The following SV2C variants were observed in gnomAD, a reference collection of about 807,000 sequenced individuals.
SV2C encodes synaptic vesicle glycoprotein 2C, also known as solute carrier family 22 member B3.
Under a neutral mutation model 79.7 loss-of-function variants are expected in SV2C, and 49 were observed. The ratio of observed to expected loss-of-function variants is 0.61; its 90% confidence interval spans 0.49 to 0.78. The LOEUF (loss-of-function observed/expected upper bound fraction) is 0.78, where lower values mean the gene tolerates loss of function less well. SV2C is among the 30% of genes least tolerant of loss of function. The probability of loss-of-function intolerance (pLI) is 0.00; values close to 1 mark genes in which losing one functional copy is unlikely to be tolerated. For synonymous variants in SV2C, 334 were observed against 333.2 expected, an observed-to-expected ratio of 1.00 and a Z score of -0.03; for missense variants, 833 against 912.9, an observed-to-expected ratio of 0.91 and a Z score of 1.13.
At chr5:76,075,428 C>T in the SV2C span, 1 of 153,348 alleles carries the variant, frequency 6.5e-6, no homozygotes, top group Admixed American at 6.5e-5. Context: ...TGAGCCCATT[C>T]CCTAAAGCCC....
chr5:76,162,423 A>G (rs1335233314), intron 2 of SV2C, among the ~76,000 whole-genome samples: 2 of 152,190 alleles, frequency 1.3e-5, no homozygotes, highest in African/African-American at 4.8e-5. Context: ...GCATGAGCAT[A>G]TAGAAGACAG....
At chr5:76,241,274 G>A (rs1228946466) in intron 4 of SV2C, among the ~76,000 whole-genome samples, 2 of 151,320 alleles carry the variant, frequency 1.3e-5, no homozygotes, top group Non-Finnish European at 2.9e-5. Context: ...CAGGACATGG[G>A]CAGACAATCG....
chr5:75,867,546 G>T, the SV2C span, among the ~76,000 whole-genome samples: 1 of 152,126 alleles, frequency 6.6e-6, no homozygotes, highest in Non-Finnish European at 1.5e-5. Flanking sequence ...TGATTAAATG[G>T]TCTGCCATTA....
the SV2C span, among the ~76,000 whole-genome samples, chr5:75,898,079 G>T: frequency 6.6e-6 from 1 of 152,068 alleles, no homozygotes; most frequent in African/African-American, 2.4e-5. Flanking sequence ...CTGCCTAATT[G>T]CCCTGGCCAG....
the SV2C span, among the ~76,000 whole-genome samples, chr5:75,899,871 C>A: frequency 4.8e-4 from 73 of 151,792 alleles, no homozygotes; most frequent in East Asian, 1.2e-3. Context: ...CTGTTTTATC[C>A]GAGACTAGGA....
the SV2C span, among the ~76,000 whole-genome samples, chr5:76,005,991 G>GA: frequency 1.3e-5 from 2 of 152,102 alleles, no homozygotes; most frequent in Non-Finnish European, 2.9e-5. Context: ...ATACTATTGT[G>GA]AAAAAACTTC....
chr5:76,299,739 T>G (rs1311827734), intron 10 of SV2C, among the ~76,000 whole-genome samples: 2 of 152,192 alleles, frequency 1.3e-5, no homozygotes, highest in African/African-American at 4.8e-5. Context: ...TGTTTTTTGT[T>G]TTTTGAGCAA....
chr5:75,999,108 A>G, the SV2C span, among the ~76,000 whole-genome samples: 1 of 152,068 alleles, frequency 6.6e-6, no homozygotes, highest in Admixed American at 6.6e-5. Context: ...TAAAAGCGTC[A>G]GATCTCATAA....
At chr5:76,324,073 G>T (rs1463326961) in intron 12 of SV2C, among the ~76,000 whole-genome samples, 1 of 152,064 alleles carries the variant, frequency 6.6e-6, no homozygotes, top group Non-Finnish European at 1.5e-5. Flanking sequence ...AAAGAAAATA[G>T]GGAGTAACAA....
intron 2 of SV2C, among the ~76,000 whole-genome samples, chr5:76,178,180 C>A (rs1387096999): frequency 6.6e-6 from 1 of 152,036 alleles, no homozygotes; most frequent in Non-Finnish European, 1.5e-5. Flanking sequence ...AACTGCATGG[C>A]CTTTTATTAC....
At chr5:76,200,702 C>T (rs535476585) in intron 3 of SV2C, among the ~76,000 whole-genome samples, 17 of 152,190 alleles carry the variant, frequency 1.1e-4, no homozygotes, top group South Asian at 4.2e-4. Flanking sequence ...TGCAGTGGTG[C>T]GATCATGGCT....
the SV2C span, chr5:75,910,654 G>A: frequency 9.7e-7 from 1 of 1,033,996 alleles, no homozygotes; most frequent in African/African-American, 1.6e-5. Context: ...ATGCAGTGCA[G>A]AATGCCAAGA....
At chr5:76,311,021 A>G (rs1748418871) in intron 12 of SV2C, among the ~76,000 whole-genome samples, 1 of 152,238 alleles carries the variant, frequency 6.6e-6, no homozygotes, top group Non-Finnish European at 1.5e-5. Flanking sequence ...ACTTCCCTAT[A>G]ACCTCTGTGC....
intron 1 of SV2C, among the ~76,000 whole-genome samples, chr5:76,119,566 C>T (rs7701931): frequency 0.046 from 7,054 of 152,086 alleles, 538 homozygotes; most frequent in African/African-American, 0.16. Flanking sequence ...AAATATCACC[C>T]ACCTGAAATG....
At chr5:76,113,941 T>C (rs778135994) in intron 1 of SV2C, among the ~76,000 whole-genome samples, 8 of 151,704 alleles carry the variant, frequency 5.3e-5, no homozygotes, top group East Asian at 1.9e-4. Context: ...CACACACACA[T>C]ATATACACAT....
At chr5:75,862,867 G>C in the SV2C span, among the ~76,000 whole-genome samples, 1,822 of 152,276 alleles carry the variant, frequency 0.012, 30 homozygotes, top group African/African-American at 0.04. Context: ...ACACCAAACT[G>C]GTTCATTTTG....
At chr5:75,921,575 G>A in the SV2C span, 76 of 947,776 alleles carry the variant, frequency 8.0e-5, no homozygotes, top group Middle Eastern at 2.6e-3. Flanking sequence ...ATTGCGGCCC[G>A]TGAAGTTCCT....
the SV2C span, among the ~76,000 whole-genome samples, chr5:76,032,902 G>A: frequency 0.14 from 21,674 of 152,100 alleles, 5,007 homozygotes; most frequent in African/African-American, 0.49. Flanking sequence ...ATCCTCTCCA[G>A]CACCTGTTGT....
At chr5:76,217,743 G>C (rs909980392) in intron 4 of SV2C, among the ~76,000 whole-genome samples, 4 of 151,254 alleles carry the variant, frequency 2.6e-5, no homozygotes, top group Admixed American at 2.0e-4. Flanking sequence ...GATTAGAGAA[G>C]TCAGAGAAAA....
Sources: gnomAD v4.1 joint callset for allele counts (sites outside exome capture counted in the v4.1 genomes callset) on GRCh38, gnomAD v4.1.1 for gene constraint, MANE v1.5 for transcripts, NCBI Gene and HGNC (gene_info 2026-07-23, HGNC 2026-07-21) for gene names.